The following PDE4D variants were observed in gnomAD, a reference collection of about 807,000 sequenced individuals.
PDE4D encodes phosphodiesterase 4D.
PDE4D carries 24 observed loss-of-function variants against 87.4 expected under a neutral mutation model. The ratio of observed to expected loss-of-function variants is 0.27; its 90% CI spans 0.20 to 0.39. The LOEUF is 0.39. Ranked by LOEUF, PDE4D falls within the 10% of genes least tolerant of loss-of-function variation. The pLI is 1.00. For synonymous variants in PDE4D, 384 were observed against 383.2 expected, an observed-to-expected ratio of 1.00 and a Z score of -0.02; for missense variants, 714 against 1,041.0, an observed-to-expected ratio of 0.69 and a Z score of 4.32.
intron 1 of PDE4D, among the ~76,000 whole-genome samples, chr5:59,845,854 AAC>A (rs765999214): frequency 4.6e-5 from 7 of 152,064 alleles, no homozygotes; most frequent in Non-Finnish European, 1.5e-5. Flanking sequence ...TTCTGAAGAA[AAC>A]ACACAGTTCT....
chr5:59,035,454 A>AGG lies in PDE4D; in HGVS notation c.921+3404_921+3405insCC, dbSNP rs1403593818. The stretch of plus-strand genomic sequence containing the variant: ...AATTATAAAAATCCATCAAACTTGA[A>AGG]GTGTCTGGTATAAATTACAACCGAA... On this transcript the variant is annotated intron_variant, in intron 6 of 14. Coordinates refer to ENST00000340635, the MANE Select transcript of PDE4D (RefSeq NM_001104631.2). Among the ~76,000 whole-genome samples the AGG allele has an allele frequency of 4.6e-5, 7 of 152,344 alleles. No individual in the cohort carries two copies. The East Asian group carries it at 1.3e-3, about 29-fold the overall frequency.
chr5:59,882,014 A>G (rs1264652006), intron 1 of PDE4D, among the ~76,000 whole-genome samples: 3 of 152,202 alleles, frequency 2.0e-5, no homozygotes, highest in Non-Finnish European at 4.4e-5. Context: ...GGCCTATCCC[A>G]TTGAAGCCAT....
intron 1 of PDE4D, among the ~76,000 whole-genome samples, chr5:59,467,962 GT>G (rs10549903): frequency 6.6e-6 from 1 of 150,948 alleles, no homozygotes; most frequent in African/African-American, 2.4e-5. Context: ...AAAAATACTG[GT>G]TTTTTTTTCT....
rs1441082063 is a variant in PDE4D, at chr5:58,976,385, C to T, written c.1795G>A (p.Val599Ile). The change falls in exon 13 of 15, where the codon GTT becomes ATT. Residue 599 changes from valine (V) to isoleucine (I), a missense_variant. Val to Ile is a conservative substitution (Grantham distance 29). Transcript: ENST00000340635. ...TCGGAATAATTATCAAGAAGAAGAACTCCAGAGCTTGTCACTTTCTTAGTT... is the reference window on the plus strand; with the variant it reads ...TCGGAATAATTATCAAGAAGAAGAATTCCAGAGCTTGTCACTTTCTTAGTT... ...VETKKVTSSG[V>I]LLLDNYSDRI... 8 of 1,609,916 alleles carry T rather than the reference C, an allele frequency of 5.0e-6. No individual in the cohort carries two copies. Among genetic ancestry groups the T allele is most frequent in the Non-Finnish European group, 6.8e-6 (8 of 1,178,316 alleles).
At chr5:59,268,682 A>G (rs975800817) in intron 1 of PDE4D, among the ~76,000 whole-genome samples, 6 of 152,104 alleles carry the variant, frequency 3.9e-5, no homozygotes, top group African/African-American at 9.7e-5. Context: ...CTTTGTGACT[A>G]TCTTCCTTAC....
chr5:59,245,219 C>A (rs1465333526), intron 1 of PDE4D, among the ~76,000 whole-genome samples: 4 of 152,072 alleles, frequency 2.6e-5, no homozygotes, highest in Non-Finnish European at 5.9e-5. Context: ...CAATTATGAG[C>A]TAGGGTACAC....
At chr5:59,978,493 T>A (rs1486054774) in intron 3 of PDE4D, among the ~76,000 whole-genome samples, 1 of 152,192 alleles carries the variant, frequency 6.6e-6, no homozygotes, top group Non-Finnish European at 1.5e-5. Flanking sequence ...ATGATAAAAC[T>A]TGAAAGAATG....
chr5:59,960,113 C>A (rs979693614), intron 3 of PDE4D, among the ~76,000 whole-genome samples: 1 of 152,086 alleles, frequency 6.6e-6, no homozygotes, highest in African/African-American at 2.4e-5. Flanking sequence ...TATCACTAAT[C>A]ATCAGAGAAA....
At chr5:59,419,280 T>C (rs1181429625) in intron 1 of PDE4D, among the ~76,000 whole-genome samples, 1 of 152,218 alleles carries the variant, frequency 6.6e-6, no homozygotes, top group Non-Finnish European at 1.5e-5. Context: ...CTTTGAATTT[T>C]TGTCTGAGCA....
At chr5:59,027,618 T>C (rs904435809) in intron 6 of PDE4D, among the ~76,000 whole-genome samples, 5 of 152,212 alleles carry the variant, frequency 3.3e-5, no homozygotes, top group African/African-American at 1.2e-4. Context: ...CTTGCTCAAA[T>C]TGTTCTAGCT....
chr5:59,484,832 A>G (rs1283610052), intron 1 of PDE4D, among the ~76,000 whole-genome samples: 3 of 152,126 alleles, frequency 2.0e-5, no homozygotes, highest in African/African-American at 7.2e-5. Flanking sequence ...ACATTTTCTC[A>G]TCTGTAAAAT....
At chr5:59,141,863 T>G (rs1777944733) in intron 5 of PDE4D, among the ~76,000 whole-genome samples, 2 of 152,188 alleles carry the variant, frequency 1.3e-5, no homozygotes, top group Non-Finnish European at 1.5e-5. Flanking sequence ...TTCTTGCAGT[T>G]ATAGCTTCAG....
intron 2 of PDE4D, among the ~76,000 whole-genome samples, chr5:59,992,446 T>C (rs1763112557): frequency 6.6e-6 from 1 of 152,228 alleles, no homozygotes; most frequent in South Asian, 2.1e-4. Flanking sequence ...ATCCTATTAG[T>C]TCTGTCCCTC....
intron 1 of PDE4D, among the ~76,000 whole-genome samples, chr5:59,815,522 T>G (rs184894452): frequency 5.3e-5 from 8 of 152,176 alleles, no homozygotes; most frequent in Admixed American, 5.2e-4. Context: ...CTCAGTGTTT[T>G]TAGTTCTCAA....
chr5:59,960,242 T>C (rs1413749121), intron 3 of PDE4D, among the ~76,000 whole-genome samples: 1 of 152,148 alleles, frequency 6.6e-6, no homozygotes, highest in African/African-American at 2.4e-5. Flanking sequence ...GGTTGTACAC[T>C]GTTTGCAGAA....
intron 1 of PDE4D, among the ~76,000 whole-genome samples, chr5:60,355,732 C>A (rs1378961558): frequency 1.3e-5 from 2 of 151,558 alleles, no homozygotes; most frequent in African/African-American, 4.9e-5. Flanking sequence ...ATAAAGTAAG[C>A]TAGAGGAAAG....
chr5:60,202,707 G>A (rs1237116944), intron 1 of PDE4D, among the ~76,000 whole-genome samples: 3 of 151,754 alleles, frequency 2.0e-5, no homozygotes, highest in Admixed American at 6.6e-5. Flanking sequence ...AATCAACCAT[G>A]CGAGAAAACA....
chr5:59,508,426 A>G (rs939419263), intron 1 of PDE4D, among the ~76,000 whole-genome samples: 7 of 152,200 alleles, frequency 4.6e-5, no homozygotes, highest in African/African-American at 1.7e-4. Flanking sequence ...AAGTAAATCT[A>G]TAGTTAGCAG....
intron 1 of PDE4D, chr5:59,587,667 G>T (rs955931035): frequency 2.1e-5 from 20 of 971,272 alleles, no homozygotes; most frequent in Admixed American, 6.2e-5. Context: ...GCCTGACAGG[G>T]GATGTGCTGG....
Sources: gnomAD v4.1 joint callset for allele counts (sites outside exome capture counted in the v4.1 genomes callset) on GRCh38, gnomAD v4.1.1 for gene constraint, MANE v1.5 for transcripts, NCBI Gene and HGNC (gene_info 2026-07-23, HGNC 2026-07-21) for gene names.